CSMD1: variants seen among roughly 807,000 people sequenced by gnomAD.
CSMD1 encodes the protein CUB and sushi domain-containing protein 1.
Under a neutral mutation model 417.5 loss-of-function variants are expected in CSMD1, and 213 were observed. The observed-to-expected ratio is 0.51, with a 90% CI of 0.46 to 0.57. CSMD1 has a LOEUF of 0.57. CSMD1 is among the 20% of genes least tolerant of loss of function. The pLI is 0.00. For synonymous variants in CSMD1, 2,862 were observed against 1,736.8 expected (o/e 1.65, Z -16.11); for missense variants, 6,923 against 4,529.7 (o/e 1.53, Z -15.17).
intron 2 of CSMD1, among the ~76,000 whole-genome samples, chr8:4,491,362 A>T (rs1030739702): frequency 1.3e-5 from 2 of 152,174 alleles, no homozygotes; most frequent in African/African-American, 2.4e-5. Flanking sequence ...AGGATTTTCT[A>T]GCAACATCCA....
chr8:3,060,409 G>C (rs1812516646), intron 49 of CSMD1, among the ~76,000 whole-genome samples: 1 of 151,870 alleles, frequency 6.6e-6, no homozygotes, highest in East Asian at 1.9e-4. Context: ...TGAACTCCTT[G>C]AACTCCTGAA....
intron 1 of CSMD1, among the ~76,000 whole-genome samples, chr8:4,914,638 C>A (rs957202757): frequency 6.6e-6 from 1 of 151,540 alleles, no homozygotes; most frequent in Non-Finnish European, 1.5e-5. Context: ...CCTTTAACTT[C>A]TGCAAGTTTT....
intron 5 of CSMD1, among the ~76,000 whole-genome samples, chr8:3,932,153 G>C (rs1310034448): frequency 2.0e-5 from 3 of 150,222 alleles, no homozygotes; most frequent in East Asian, 2.0e-4. Context: ...GACAGTGCTG[G>C]AATGAAACTC....
At chr8:4,192,856 C>T (rs1799110856) in intron 3 of CSMD1, among the ~76,000 whole-genome samples, 2 of 152,310 alleles carry the variant, frequency 1.3e-5, no homozygotes, top group Non-Finnish European at 2.9e-5. Context: ...ACTCATGTTC[C>T]TGTATTCTGT....
At chr8:3,365,645 C>A (rs1239456788) in intron 20 of CSMD1, among the ~76,000 whole-genome samples, 4 of 152,180 alleles carry the variant, frequency 2.6e-5, no homozygotes, top group Non-Finnish European at 4.4e-5. Context: ...CATGAAAGCA[C>A]AAAATATATG....
intron 3 of CSMD1, among the ~76,000 whole-genome samples, chr8:4,166,924 C>G (rs1797489747): frequency 6.6e-6 from 1 of 152,158 alleles, no homozygotes; most frequent in Admixed American, 6.5e-5. Flanking sequence ...TGCTCAGCAG[C>G]CAGGTGGGGT....
At position 3,214,989 on chromosome 8, in the gene CSMD1, A is replaced by G. The variant is rs567315584; in HGVS notation, c.4673-298T>C. The stretch of plus-strand genomic sequence containing the variant: ...AAAAAATACAGTACTACGTTTTTAT[A>G]TATTTATCCATTTTTGGCTACAGAT... On this transcript the variant is annotated intron_variant, in intron 29 of 69. Transcript: ENST00000635120. Among the ~76,000 whole-genome samples the G allele has an allele frequency of 5.3e-5, 8 of 152,230 alleles. No homozygotes were observed. In the East Asian group the frequency reaches 1.2e-3, roughly 22 times the overall value.
chr8:4,759,565 C>T (rs35306804), intron 1 of CSMD1, among the ~76,000 whole-genome samples: 14,370 of 143,922 alleles, frequency 0.1, 820 homozygotes, highest in Non-Finnish European at 0.13. Context: ...TCCCTTTCCC[C>T]GAACCATCCC....
At chr8:4,206,519 C>A (rs1451311266) in intron 3 of CSMD1, among the ~76,000 whole-genome samples, 4 of 152,184 alleles carry the variant, frequency 2.6e-5, no homozygotes, top group African/African-American at 4.8e-5. Context: ...ATGAACTCAT[C>A]CTTTTTTATG....
At chr8:4,814,139 T>C (rs1364607407) in intron 1 of CSMD1, among the ~76,000 whole-genome samples, 2 of 152,246 alleles carry the variant, frequency 1.3e-5, no homozygotes, top group Non-Finnish European at 2.9e-5. Flanking sequence ...TTGGAATATA[T>C]AACGAATTCC....
intron 3 of CSMD1, among the ~76,000 whole-genome samples, chr8:4,237,037 G>T (rs562205853): frequency 1.8e-4 from 27 of 152,260 alleles, no homozygotes; most frequent in Admixed American, 1.6e-3. Flanking sequence ...GGATATATGT[G>T]TTGCCATGGA....
At chr8:4,439,412 T>G (rs1267942050) in intron 2 of CSMD1, among the ~76,000 whole-genome samples, 1 of 152,166 alleles carries the variant, frequency 6.6e-6, no homozygotes. Flanking sequence ...CGTTTATTAC[T>G]TAATATTTAA....
intron 3 of CSMD1, among the ~76,000 whole-genome samples, chr8:4,260,145 G>C (rs986831127): frequency 2.6e-5 from 4 of 152,112 alleles, no homozygotes; most frequent in African/African-American, 9.7e-5. Context: ...CTGATCTACA[G>C]TGGCTAAGTC....
At chr8:3,341,166 G>T (rs1549313) in intron 23 of CSMD1, among the ~76,000 whole-genome samples, 1 of 151,810 alleles carries the variant, frequency 6.6e-6, no homozygotes, top group Admixed American at 6.6e-5. Context: ...GCTGAGCCTC[G>T]CCCACTGACG....
intron 3 of CSMD1, among the ~76,000 whole-genome samples, chr8:4,289,023 C>A (rs960399141): frequency 1.3e-5 from 2 of 152,112 alleles, no homozygotes; most frequent in Non-Finnish European, 2.9e-5. Flanking sequence ...GCTATCTGTT[C>A]AAGCAATGAC....
intron 10 of CSMD1, among the ~76,000 whole-genome samples, chr8:3,534,013 G>A (rs1401141133): frequency 1.3e-5 from 2 of 152,072 alleles, no homozygotes; most frequent in African/African-American, 2.4e-5. Context: ...TACTTTTGCG[G>A]AAGAAGAATA....
chr8:4,582,683 C>T (rs942432556), intron 2 of CSMD1, among the ~76,000 whole-genome samples: 3 of 152,214 alleles, frequency 2.0e-5, no homozygotes, highest in African/African-American at 7.2e-5. Flanking sequence ...TCCCAGCCCT[C>T]GCTCGCTCTC....
intron 1 of CSMD1, among the ~76,000 whole-genome samples, chr8:4,961,898 C>CA (rs5889077): frequency 0.69 from 105,002 of 151,394 alleles, 36,717 homozygotes; most frequent in Middle Eastern, 0.81. Flanking sequence ...AAAATTCCTT[C>CA]CTTTTTTTTC....
chr8:4,608,734 G>T (rs1196996448), intron 2 of CSMD1, among the ~76,000 whole-genome samples: 2 of 152,158 alleles, frequency 1.3e-5, no homozygotes, highest in African/African-American at 4.8e-5. Context: ...AGTCTGTGAC[G>T]ATGTGTTTTC....
Sources: allele counts gnomAD v4.1 joint callset (sites outside exome capture counted in the v4.1 genomes callset), GRCh38; gene constraint gnomAD v4.1.1; transcripts MANE v1.5; gene names NCBI Gene and HGNC (gene_info 2026-07-23, HGNC 2026-07-21).